NR2F1-AS1: variants seen among roughly 807,000 people sequenced by gnomAD.
NR2F1-AS1 encodes NR2F1 regulatory antisense RNA 1.
intron 4 of NR2F1-AS1, among the ~76,000 whole-genome samples, chr5:93,430,861 T>TATCATCATC (rs138817898): frequency 0.025 from 3,778 of 149,618 alleles, 150 homozygotes; most frequent in African/African-American, 0.089. Flanking sequence ...TCCCTTGCTT[T>TATCATCATC]ATCATCATCA....
intron 4 of NR2F1-AS1, among the ~76,000 whole-genome samples, chr5:93,421,623 G>T (rs1325127093): frequency 6.6e-6 from 1 of 152,102 alleles, no homozygotes; most frequent in Non-Finnish European, 1.5e-5. Flanking sequence ...TGGCACCAGG[G>T]AGGATCCATG....
intron 4 of NR2F1-AS1, among the ~76,000 whole-genome samples, chr5:93,490,603 G>A (rs1458753102): frequency 5.4e-5 from 8 of 147,388 alleles, no homozygotes; most frequent in Admixed American, 1.3e-4. Context: ...TGGTGGTGGC[G>A]GTGGCAGTGG....
chr5:93,460,327 G>T (rs555148875), intron 4 of NR2F1-AS1, among the ~76,000 whole-genome samples: 3 of 152,138 alleles, frequency 2.0e-5, no homozygotes, highest in African/African-American at 7.2e-5. Flanking sequence ...CAGACCCCAC[G>T]CAGCACCGGG....
At chr5:93,557,395 T>C (rs1258004727) in intron 2 of NR2F1-AS1, among the ~76,000 whole-genome samples, 3 of 152,234 alleles carry the variant, frequency 2.0e-5, no homozygotes, top group Non-Finnish European at 4.4e-5. Context: ...ATCTTGAAGA[T>C]ATTCCAAGTT....
rs555222694 is a variant in NR2F1-AS1 at position 93,437,431 on chromosome 5, A to T, written n.639-41889T>A. ...TCCTTTTAGGTTTTTTAATGTGGCT[A>T]CTAGAAATTTTTAAATTATGTATGT... On this transcript the variant is annotated intron_variant and non_coding_transcript_variant, in intron 4 of 5. Transcript: ENST00000660523. Among the ~76,000 whole-genome samples, 6 of 152,304 alleles carry T rather than the reference A, an allele frequency of 3.9e-5. No homozygotes were observed. The South Asian group carries it at 8.3e-4, about 21-fold the overall frequency.
chr5:93,467,478 C>A (rs1395936596), intron 4 of NR2F1-AS1, among the ~76,000 whole-genome samples: 1 of 152,156 alleles, frequency 6.6e-6, no homozygotes, highest in African/African-American at 2.4e-5. Context: ...AAATTTGTCT[C>A]TCTAAGCCTT....
chr5:93,426,183 G>A (rs1431677981), intron 4 of NR2F1-AS1, among the ~76,000 whole-genome samples: 1 of 150,930 alleles, frequency 6.6e-6, no homozygotes, highest in Non-Finnish European at 1.5e-5. Flanking sequence ...GAGTAGCTGG[G>A]ATTACAGGCA....
chr5:93,523,667 A>G (rs1163760421), intron 4 of NR2F1-AS1, among the ~76,000 whole-genome samples: 2 of 152,202 alleles, frequency 1.3e-5, no homozygotes, highest in African/African-American at 4.8e-5. Flanking sequence ...ACAGGCAGCA[A>G]TCTTTGCTGT....
intron 2 of NR2F1-AS1, among the ~76,000 whole-genome samples, chr5:93,559,108 G>A (rs1752427944): frequency 6.6e-6 from 1 of 152,090 alleles, no homozygotes; most frequent in African/African-American, 2.4e-5. Context: ...CCAATAGAAG[G>A]CCATTTCATC....
intron 4 of NR2F1-AS1, among the ~76,000 whole-genome samples, chr5:93,414,621 T>C (rs1371761128): frequency 6.6e-6 from 1 of 152,144 alleles, no homozygotes; most frequent in African/African-American, 2.4e-5. Context: ...CCAATTGTCA[T>C]TTCTGTCTTG....
At chr5:93,419,180 A>G (rs995905618) in intron 4 of NR2F1-AS1, among the ~76,000 whole-genome samples, 2 of 152,222 alleles carry the variant, frequency 1.3e-5, no homozygotes, top group African/African-American at 4.8e-5. Context: ...CATTAAAAAT[A>G]ACATAGTATG....
At chr5:93,502,511 C>T (rs1751105946) in intron 4 of NR2F1-AS1, among the ~76,000 whole-genome samples, 1 of 152,174 alleles carries the variant, frequency 6.6e-6, no homozygotes, top group African/African-American at 2.4e-5. Flanking sequence ...TAAGGTCCAT[C>T]TGTCAGGACA....
upstream of NR2F1-AS1, chr5:93,581,136 C>T (rs1753018710): frequency 1.3e-5 from 2 of 152,254 alleles, no homozygotes; most frequent in African/African-American, 2.4e-5. Context: ...AAAAAACAAA[C>T]CCTACCTCTG....
At position 93,534,449 on chromosome 5, in the gene NR2F1-AS1, G is replaced by A. The variant is rs1285356952; in HGVS notation, n.638+19312C>T. Among the ~76,000 whole-genome samples, 4 of 151,976 alleles carry A rather than the reference G, an allele frequency of 2.6e-5. No homozygotes were observed. The East Asian group carries it at 7.7e-4, about 29-fold the overall frequency. ...TTCACTCAACAACAATTCAAATGAA[G>A]AACTCCAATAAGAATTAGATAAGAA... On this transcript the variant is annotated intron_variant and non_coding_transcript_variant, in intron 4 of 5. Coordinates refer to ENST00000660523, the Ensembl canonical transcript of NR2F1-AS1.
intron 4 of NR2F1-AS1, among the ~76,000 whole-genome samples, chr5:93,442,426 T>C (rs567773008): frequency 6.7e-4 from 102 of 152,278 alleles, no homozygotes; most frequent in Admixed American, 1.1e-3. Flanking sequence ...CCCACGCCCA[T>C]GGAGCCTTGC....
intron 1 of NR2F1-AS1, among the ~76,000 whole-genome samples, chr5:93,573,913 C>T (rs1752835358): frequency 6.6e-6 from 1 of 152,206 alleles, no homozygotes; most frequent in African/African-American, 2.4e-5. Flanking sequence ...TCTTTTTCGA[C>T]ACCCATCCAG....
chr5:93,452,440 C>T (rs1005245888), intron 4 of NR2F1-AS1, among the ~76,000 whole-genome samples: 1 of 152,176 alleles, frequency 6.6e-6, no homozygotes, highest in African/African-American at 2.4e-5. Context: ...CAGAGCCCAG[C>T]AGTCACAGTG....
At chr5:93,540,837 G>C (rs1212376337) in intron 4 of NR2F1-AS1, among the ~76,000 whole-genome samples, 1 of 152,152 alleles carries the variant, frequency 6.6e-6, no homozygotes, top group Non-Finnish European at 1.5e-5. Flanking sequence ...GACTCTGGGG[G>C]AGAAAAAGCA....
chr5:93,419,941 A>G (rs1331349131), intron 4 of NR2F1-AS1, among the ~76,000 whole-genome samples: 1 of 152,200 alleles, frequency 6.6e-6, no homozygotes, highest in Non-Finnish European at 1.5e-5. Context: ...TCATGCCTGT[A>G]ATCCCAGCAA....
Sources: gnomAD v4.1 joint callset for allele counts (sites outside exome capture counted in the v4.1 genomes callset) on GRCh38, gnomAD v4.1.1 for gene constraint, MANE v1.5 for transcripts, NCBI Gene and HGNC (gene_info 2026-07-23, HGNC 2026-07-21) for gene names.